Variants in HMCN1 observed in about 807,000 individuals in gnomAD.
The protein encoded by HMCN1 is hemicentin-1.
Under a neutral mutation model 625.9 loss-of-function variants are expected in HMCN1, and 321 were observed. That is an observed-to-expected ratio of 0.51 (90% CI 0.47 to 0.56). The LOEUF (loss-of-function observed/expected upper bound fraction) is 0.56, where lower values mean the gene tolerates loss of function less well. HMCN1 is among the 20% of genes least tolerant of loss of function. HMCN1 has a pLI of 0.00. For missense variants in HMCN1, 6,588 were observed against 6,887.3 expected (o/e 0.96, Z 1.54); for synonymous variants, 2,425 against 2,417.6 (o/e 1.00, Z -0.09).
At chr1:185,777,611 C>T (rs1367220097) in intron 1 of HMCN1, among the ~76,000 whole-genome samples, 1 of 152,116 alleles carries the variant, frequency 6.6e-6, no homozygotes, top group Non-Finnish European at 1.5e-5. Context: ...GCCACCACAC[C>T]CAGCTAATTT....
intron 4 of HMCN1, among the ~76,000 whole-genome samples, chr1:185,882,350 G>T (rs989622205): frequency 8.1e-4 from 116 of 143,678 alleles, no homozygotes; most frequent in South Asian, 4.4e-4. Context: ...AGAAATGAAT[G>T]TTTTTTTTTT....
intron 41 of HMCN1, among the ~76,000 whole-genome samples, 187 bp from the exon 42 acceptor site, chr1:186,048,556 A>G (rs1656729283): frequency 1.3e-5 from 2 of 152,218 alleles, no homozygotes; most frequent in South Asian, 4.1e-4. Context: ...CATAGATGAA[A>G]ATGGTTGAAT....
chr1:185,847,555 A>G (rs1366558124), intron 2 of HMCN1, among the ~76,000 whole-genome samples: 1 of 152,130 alleles, frequency 6.6e-6, no homozygotes, highest in African/African-American at 2.4e-5. Context: ...CATATAATCC[A>G]TTTCCATCCA....
At chr1:186,179,279 C>T (rs547772131) in intron 104 of HMCN1, among the ~76,000 whole-genome samples, 27 of 152,166 alleles carry the variant, frequency 1.8e-4, no homozygotes, top group East Asian at 1.9e-4. Flanking sequence ...TATGTTTGTA[C>T]GTCACTGAAA....
At chr1:186,040,931 C>T in intron 39 of HMCN1, 82 bp from the exon 40 acceptor site, 1 of 1,499,030 alleles carries the variant, frequency 6.7e-7, no homozygotes, top group Admixed American at 1.7e-5. Context: ...ACTGATAAGC[C>T]TCAAAAAAAT....
rs760181577 is a variant in HMCN1 at position 186,123,091 on chromosome 1, C to A, written c.12370C>A (p.Arg4124Ser). 1 of 1,614,068 alleles carries A rather than the reference C, an allele frequency of 6.2e-7. No individual in the cohort carries two copies. Among genetic ancestry groups the A allele is most frequent in the Non-Finnish European group, 8.5e-7 (1 of 1,179,996 alleles). Residue 4124 changes from arginine to serine, a missense_variant, in exon 81 of 107, where the codon CGC becomes AGC. By Grantham distance (110) the Arg-to-Ser change is moderately radical. Around this residue, in one of 3 missense-constraint regions of HMCN1, gnomAD observed 1,954 missense variants for 2,013.1 expected, o/e 0.97. Coordinates refer to ENST00000271588, the MANE Select transcript of HMCN1 (RefSeq NM_031935.3). The stretch of plus-strand genomic sequence containing the variant: ...TGGGCGTGCAATTGTGGAATCTATC[C>A]GCCAGCGCGTCCTCAGCTCTGGCTC... ...KDGRAIVESIRQRVLSSGSLQ... is the reference protein window; with the variant it reads ...KDGRAIVESISQRVLSSGSLQ...
intron 1 of HMCN1, among the ~76,000 whole-genome samples, chr1:185,744,478 A>G (rs1338611449): frequency 1.3e-5 from 2 of 152,218 alleles, no homozygotes; most frequent in Non-Finnish European, 2.9e-5. Context: ...CTAAAAAGTC[A>G]AAGATAAGCC....
intron 41 of HMCN1, among the ~76,000 whole-genome samples, chr1:186,047,080 G>A (rs1305640515): frequency 6.6e-6 from 1 of 152,086 alleles, no homozygotes; most frequent in East Asian, 1.9e-4. Context: ...CAGTAAGCTG[G>A]GCAGCTTACC....
chr1:185,799,205 A>C (rs902348750), intron 1 of HMCN1, among the ~76,000 whole-genome samples: 2 of 152,186 alleles, frequency 1.3e-5, no homozygotes, highest in African/African-American at 2.4e-5. Context: ...TATACTCTGC[A>C]TGTGTGCAGG....
intron 31 of HMCN1, 70 bp from the exon 32 acceptor site, chr1:186,015,888 T>A: frequency 3.5e-6 from 5 of 1,411,522 alleles, no homozygotes; most frequent in Non-Finnish European, 5.0e-6. Flanking sequence ...AAAGCTCTTC[T>A]TTATTTCATT....
intron 1 of HMCN1, among the ~76,000 whole-genome samples, chr1:185,832,534 T>A (rs1312426307): frequency 6.6e-6 from 1 of 152,044 alleles, no homozygotes; most frequent in Non-Finnish European, 1.5e-5. Flanking sequence ...AAAAATGGGT[T>A]TTTCCATAAA....
chr1:185,925,668 G>A (rs1667240224), intron 9 of HMCN1, among the ~76,000 whole-genome samples: 1 of 151,522 alleles, frequency 6.6e-6, no homozygotes, highest in Non-Finnish European at 1.5e-5. Flanking sequence ...AATAATGCCG[G>A]TAGGTGGAGT....
In HMCN1 at chr1:186,042,643, A is replaced by G. The variant is rs1033333132; in HGVS notation, c.6304+1507A>G. On this transcript the variant is annotated intron_variant, in intron 40 of 106. Coordinates refer to ENST00000271588, the MANE Select transcript of HMCN1 (RefSeq NM_031935.3). Reference sequence around the variant, plus strand: ...TAAAGGTCAAATGGCTAGCTGATATATATGTTTTTGAATGTTTATATATGT... The same window carrying G: ...TAAAGGTCAAATGGCTAGCTGATATGTATGTTTTTGAATGTTTATATATGT... Among the ~76,000 whole-genome samples the G allele has an allele frequency of 5.3e-5, 8 of 152,278 alleles. No homozygotes were observed. In the South Asian group the frequency reaches 1.7e-3, roughly 32 times the overall value.
chr1:186,151,382 CT>C, intron 94 of HMCN1, 33 bp downstream of exon 94: 2 of 1,586,990 alleles, frequency 1.3e-6, no homozygotes, highest in Non-Finnish European at 8.6e-7. Flanking sequence ...TTTTTAAAAA[CT>C]TATATATTAT....
chr1:185,805,767 T>A (rs1189642196), intron 1 of HMCN1, among the ~76,000 whole-genome samples: 2 of 152,102 alleles, frequency 1.3e-5, no homozygotes, highest in African/African-American at 4.8e-5. Context: ...GCACAAAAGG[T>A]ACTTCTGAAG....
At chr1:185,840,685 G>C (rs1378717214) in intron 1 of HMCN1, among the ~76,000 whole-genome samples, 2 of 151,996 alleles carry the variant, frequency 1.3e-5, no homozygotes, top group Admixed American at 6.6e-5. Flanking sequence ...ATAGCTTGCT[G>C]TTTTTTAAGT....
chr1:186,189,721 A>G lies in HMCN1; in HGVS notation c.16751A>G (p.Asp5584Gly), dbSNP rs1220139676. The change falls in exon 107 of 107, where the codon GAT (aspartate) becomes GGT (glycine). Residue 5584 changes from aspartate (D) to glycine (G), a missense_variant. Asp to Gly is a moderately conservative substitution (Grantham distance 94). This residue lies in a region of HMCN1 where 1,954 missense variants were observed against 2,013.1 expected (regional missense o/e 0.97). Coordinates refer to ENST00000271588, the MANE Select transcript of HMCN1 (RefSeq NM_031935.3). ...CAGACTGTTCCTTTTGCCTTGAGGG[A>G]TGAAAACCTGAAAGGAGTGGTGTAT... is the stretch of plus-strand genomic sequence containing the variant. ...EEQTVPFALR[D>G]ENLKGVVYTT... The G allele has an allele frequency of 6.2e-7, 1 of 1,613,530 alleles. No individual in the cohort carries two copies. Among genetic ancestry groups the G allele is most frequent in the Admixed American group, 1.7e-5 (1 of 59,978 alleles).
intron 21 of HMCN1, 86 bp downstream of exon 21, chr1:185,989,733 T>G (rs1419547356): frequency 4.3e-5 from 54 of 1,260,722 alleles, no homozygotes; most frequent in East Asian, 7.1e-5. Flanking sequence ...TGTTACCAGA[T>G]GCATGTACCC....
In HMCN1 at chr1:186,118,175, A is replaced by G. The variant is rs1301920104; in HGVS notation, c.11848+552A>G. 2.0e-5 allele frequency among the ~76,000 whole-genome samples: 3 copies of G among 152,276 alleles called. No homozygotes were observed. In the East Asian group the frequency reaches 5.8e-4, roughly 29 times the overall value. ...TATACAATTTATAGTATTGAAGAAA[A>G]AAAAATCACCTAAAGTATAGGTGAT... On this transcript the variant is annotated intron_variant, in intron 77 of 106. Transcript: ENST00000271588.
Sources: gnomAD v4.1 joint callset for allele counts (sites outside exome capture counted in the v4.1 genomes callset) on GRCh38, gnomAD v4.1.1 for gene constraint, gnomAD v4.1.1 regional missense constraint, MANE v1.5 for transcripts, NCBI Gene and HGNC (gene_info 2026-07-23, HGNC 2026-07-21) for gene names.